The following SLC17A5 variants were observed in gnomAD, a reference collection of about 807,000 sequenced individuals.
SLC17A5 encodes solute carrier family 17 member 5.
Under a neutral mutation model 59.4 loss-of-function variants are expected in SLC17A5, and 47 were observed. The observed-to-expected ratio is 0.79, with a 90% CI of 0.63 to 1.01. The LOEUF (loss-of-function observed/expected upper bound fraction) is 1.01. Among genes scored for constraint, SLC17A5 ranks in the 50% least tolerant of loss-of-function variants. SLC17A5 has a pLI of 0.00. For missense variants in SLC17A5, 522 were observed against 595.5 expected, an observed-to-expected ratio of 0.88 and a Z score of 1.28; for synonymous variants, 202 against 210.7, an observed-to-expected ratio of 0.96 and a Z score of 0.36.
At chr6:73,605,380 G>A in intron 9 of SLC17A5, among the ~76,000 whole-genome samples, 1 of 152,040 alleles carries the variant, frequency 6.6e-6, no homozygotes, top group Non-Finnish European at 1.5e-5. Flanking sequence ...GTCCTCAAGT[G>A]CCTCTGTTTT....
At chr6:73,611,092 A>G (rs1222575903) in intron 8 of SLC17A5, among the ~76,000 whole-genome samples, 3 of 152,062 alleles carry the variant, frequency 2.0e-5, no homozygotes, top group Non-Finnish European at 2.9e-5. Flanking sequence ...AATATTAAAA[A>G]CAAAATTCGC....
intron 9 of SLC17A5, among the ~76,000 whole-genome samples, chr6:73,606,281 G>A (rs907981616): frequency 6.6e-6 from 1 of 151,966 alleles, no homozygotes; most frequent in East Asian, 1.9e-4. Context: ...AACCTCAAAC[G>A]ATCCAACCGC....
rs929351601 is a variant in SLC17A5, at chr6:73,615,436, T to C, written c.990A>G (p.Leu330=). 4 of 1,613,854 alleles carry C rather than the reference T, an allele frequency of 2.5e-6. No individual in the cohort carries two copies. In the African/African-American group the frequency reaches 4.0e-5, roughly 16 times the overall value. The change falls in exon 8 of 11, where the codon TTA becomes TTG. Residue 330 remains leucine (L), a synonymous_variant. Coordinates refer to ENST00000355773, the MANE Select transcript of SLC17A5 (RefSeq NM_012434.5). ...LRFNVQENGF[L]SSLPYLGSWL... is the part of the protein sequence containing the mutation. ...AAGAGCCTAAATAAGGCAATGAAGA[T>C]AAAAACCCATTCTGGAAGGAATAAG... is the stretch of plus-strand genomic sequence containing the variant.
At chr6:73,627,130 G>A (rs11969324) in intron 6 of SLC17A5, among the ~76,000 whole-genome samples, 6,349 of 150,040 alleles carry the variant, frequency 0.042, 301 homozygotes, top group Admixed American at 0.16. Flanking sequence ...AGGCTGGAGT[G>A]CAGTGTCGTG....
intron 9 of SLC17A5, among the ~76,000 whole-genome samples, chr6:73,602,774 CAAAAAAAAA>C (rs71000136): frequency 9.9e-6 from 1 of 100,812 alleles, no homozygotes; most frequent in Non-Finnish European, 2.1e-5. Context: ...GACTCCGTCT[CAAAAAAAAA>C]AAAAAAAAAA....
At chr6:73,601,667 T>C (rs191352977) in intron 9 of SLC17A5, among the ~76,000 whole-genome samples, 4,643 of 47,186 alleles carry the variant, frequency 0.098, 367 homozygotes, top group African/African-American at 0.16. Flanking sequence ...CCCAGCCAGA[T>C]GCCCCGTCCA....
chr6:73,632,355 T>C (rs1215355171), intron 6 of SLC17A5, among the ~76,000 whole-genome samples: 3 of 147,474 alleles, frequency 2.0e-5, no homozygotes, highest in African/African-American at 7.5e-5. Context: ...CTCTTGCCTC[T>C]GAATATTCCT....
At chr6:73,612,202 G>A (rs534612070) in intron 8 of SLC17A5, among the ~76,000 whole-genome samples, 54 of 146,914 alleles carry the variant, frequency 3.7e-4, no homozygotes, top group Non-Finnish European at 6.7e-4. Context: ...CACTCTTTTT[G>A]CCCAGACTGG....
chr6:73,611,181 A>G (rs1226864469), intron 8 of SLC17A5, among the ~76,000 whole-genome samples: 1 of 152,200 alleles, frequency 6.6e-6, no homozygotes, highest in East Asian at 1.9e-4. Flanking sequence ...CAGAAGTTCA[A>G]GGTTACAGTG....
chr6:73,653,476 T>C, intron 1 of SLC17A5: 1 of 984,712 alleles, frequency 1.0e-6, no homozygotes, highest in Non-Finnish European at 1.2e-6. Context: ...AACCACCAGC[T>C]CAGCGCCGGC....
At position 73,638,439 on chromosome 6, in the gene SLC17A5, T is replaced by C; in HGVS notation, c.586A>G (p.Ser196Gly). The change falls in exon 4 of 11, where the codon AGC becomes GGC. Residue 196 changes from serine (S) to glycine (G), a missense_variant. By Grantham distance (56) the Ser-to-Gly change is moderately conservative (BLOSUM62 0). Coordinates refer to ENST00000355773, the MANE Select transcript of SLC17A5 (RefSeq NM_012434.5). ...WSSWAPPLER[S>G]KLLSISYAGA... ...GCATATGAAATGCTAAGAAGTTTGC[T>C]TCTTTCAAGAGGGGGAGCCCAAGAA... 1 of 1,614,086 alleles carries C rather than the reference T, an allele frequency of 6.2e-7. No homozygotes were observed. Among genetic ancestry groups the C allele is most frequent in the Non-Finnish European group, 8.5e-7 (1 of 1,179,938 alleles).
At chr6:73,609,825 C>CAAAT (rs145099711) in intron 9 of SLC17A5, among the ~76,000 whole-genome samples, 16,337 of 152,132 alleles carry the variant, frequency 0.11, 1,052 homozygotes, top group Middle Eastern at 0.18. Flanking sequence ...CTATAGTAGT[C>CAAAT]AAATCCATAG....
At chr6:73,600,585 T>A in intron 9 of SLC17A5, 144 bp from the exon 10 acceptor site, 1 of 693,158 alleles carries the variant, frequency 1.4e-6, no homozygotes, top group Non-Finnish European at 2.5e-6. Flanking sequence ...CTCAGCTCAC[T>A]GCAGCCTCTG....
intron 9 of SLC17A5, among the ~76,000 whole-genome samples, chr6:73,602,127 C>CGGT (rs1298852491): frequency 1.3e-5 from 2 of 151,586 alleles, no homozygotes; most frequent in East Asian, 1.9e-4. Context: ...TCCTGTTGAT[C>CGGT]GGTGACCTTA....
intron 7 of SLC17A5, among the ~76,000 whole-genome samples, chr6:73,616,047 G>A: frequency 6.6e-6 from 1 of 151,816 alleles, no homozygotes; most frequent in East Asian, 1.9e-4. Context: ...TACCACACCT[G>A]GCTAATTTTT....
intron 10 of SLC17A5, among the ~76,000 whole-genome samples, chr6:73,595,990 G>C (rs1274417217): frequency 6.8e-6 from 1 of 146,692 alleles, no homozygotes; most frequent in Non-Finnish European, 1.5e-5. Flanking sequence ...ATTTTTGGTA[G>C]AGATGGGGTT....
intron 9 of SLC17A5, among the ~76,000 whole-genome samples, chr6:73,602,832 T>A (rs1471030253): frequency 6.6e-6 from 1 of 152,078 alleles, no homozygotes; most frequent in African/African-American, 2.4e-5. Context: ...AACCCCTTTT[T>A]ATAGTGATAT....
At chr6:73,602,570 C>T (rs1188993482) in intron 9 of SLC17A5, among the ~76,000 whole-genome samples, 3 of 152,034 alleles carry the variant, frequency 2.0e-5, no homozygotes, top group Admixed American at 6.6e-5. Context: ...GTCAGGAGAT[C>T]GAGACCATGC....
Position 73,644,413 on chromosome 6 carries a change from A to T in SLC17A5, c.285T>A (p.Asn95Lys), listed in dbSNP as rs1240238827. The change falls in exon 2 of 11, where the codon AAT becomes AAA. Residue 95 changes from asparagine to lysine, a missense_variant. Coordinates refer to ENST00000355773, the MANE Select transcript of SLC17A5 (RefSeq NM_012434.5). ...EHSAPIKVHH[N>K]QTGKKYQWDA... ...CTTAAAAAATAGCACCTACCGTTTGATTATGATGAACTTTTATGGGAGCAG... is the reference window on the plus strand; with the variant it reads ...CTTAAAAAATAGCACCTACCGTTTGTTTATGATGAACTTTTATGGGAGCAG... The T allele has an allele frequency of 6.2e-7, 1 of 1,612,870 alleles. No homozygotes were observed. Among genetic ancestry groups the T allele is most frequent in the Non-Finnish European group, 8.5e-7 (1 of 1,179,156 alleles).
Sources: gnomAD v4.1 joint callset for allele counts (sites outside exome capture counted in the v4.1 genomes callset) on GRCh38, gnomAD v4.1.1 for gene constraint, MANE v1.5 for transcripts, NCBI Gene and HGNC (gene_info 2026-07-23, HGNC 2026-07-21) for gene names.